Variants in SS18L2 observed in about 807,000 individuals in gnomAD.
SS18L2 encodes SS18 like 2.
Under a neutral mutation model 10.3 loss-of-function variants are expected in SS18L2, and 8 were observed. The ratio of observed to expected loss-of-function variants is 0.78; its 90% CI spans 0.46 to 1.41. The LOEUF is 1.41. Ranked by LOEUF, SS18L2 falls within the 40% of genes most tolerant of loss-of-function variation. The pLI, the probability that SS18L2 is intolerant of heterozygous loss-of-function variation, is 0.00. For synonymous variants in SS18L2, 41 were observed against 34.6 expected, an observed-to-expected ratio of 1.19 and a Z score of -0.65; for missense variants, 100 against 96.2, an observed-to-expected ratio of 1.04 and a Z score of -0.17.
intron 1 of SS18L2, among the ~76,000 whole-genome samples, chr3:42,585,258 A>G (rs1023905129): frequency 1.3e-5 from 2 of 152,214 alleles, no homozygotes; most frequent in Non-Finnish European, 2.9e-5. Flanking sequence ...TGGTTCAGGC[A>G]CCATGGTAGA....
chr3:42,590,836 C>T (rs1704797686), upstream of SS18L2: 1 of 1,552,358 alleles, frequency 6.4e-7, no homozygotes, highest in Non-Finnish European at 8.9e-7. Context: ...ACTTCGAGAG[C>T]GTAGGCCCCA....
At chr3:42,593,585 A>G (rs1390644934) in intron 2 of SS18L2, among the ~76,000 whole-genome samples, 1 of 152,128 alleles carries the variant, frequency 6.6e-6, no homozygotes, top group African/African-American at 2.4e-5. Flanking sequence ...CCAAGGGACA[A>G]TTGTACTCCT....
chr3:42,585,023 G>A (rs1014595339), intron 1 of SS18L2, among the ~76,000 whole-genome samples: 1 of 152,158 alleles, frequency 6.6e-6, no homozygotes, highest in Non-Finnish European at 1.5e-5. Context: ...CAGCTACTTG[G>A]GAGGCTGAGG....
At chr3:42,589,047 G>A (rs1289174496), upstream of SS18L2, among the ~76,000 whole-genome samples, 8 of 151,934 alleles carry the variant, frequency 5.3e-5, no homozygotes, top group African/African-American at 7.3e-5. Context: ...GGCGGATCAC[G>A]AGGTCAGGAG....
At position 42,595,911 on chromosome 3, in the gene SS18L2, C is replaced by CT. The variant is rs745337035; in HGVS notation, c.*1403dup. Among the ~76,000 whole-genome samples, 315 of 152,322 alleles carry CT rather than the reference C, an allele frequency of 2.1e-3. No individual in the cohort carries two copies. The highest frequency in any genetic ancestry group is 3.8e-3 in the Non-Finnish European group (257 of 68,032). On this transcript the variant is annotated 3_prime_UTR_variant, in exon 3 of 3. Transcript: ENST00000011691. The stretch of plus-strand genomic sequence containing the variant: ...GCATCTGCCTCCTGAGGTTGTGAGA[C>CT]TGAGATAACGTGGTTGAGAACTGGG...
intron 1 of SS18L2, among the ~76,000 whole-genome samples, chr3:42,584,554 C>A (rs928084076): frequency 6.6e-6 from 1 of 152,220 alleles, no homozygotes; most frequent in Non-Finnish European, 1.5e-5. Flanking sequence ...CCACGCCTAG[C>A]CGGGACATAG....
In SS18L2 at chr3:42,590,903, G is replaced by T; in HGVS notation, c.6G>T (p.Ser2=). The T allele has an allele frequency of 1.2e-6, 2 of 1,613,886 alleles. No homozygotes were observed. The highest frequency in any genetic ancestry group is 8.5e-7 in the Non-Finnish European group (1 of 1,179,952). Residue 2 remains serine (S), a synonymous_variant, in exon 1 of 3, where the codon TCG becomes TCT. Transcript: ENST00000011691. ...GGTTCCGGAGGTTCCTCGGGATGTC[G>T]GTGGCCTTCGTACCGGACTGGCTGA... The part of the protein sequence containing the change: M[S]VAFVPDWLRG...
At position 42,590,884 on chromosome 3, in the gene SS18L2, G is replaced by A; in HGVS notation, c.-14G>A. 2 of 1,613,936 alleles carry A rather than the reference G, an allele frequency of 1.2e-6. No individual in the cohort carries two copies. Among genetic ancestry groups the A allele is most frequent in the Non-Finnish European group, 1.7e-6 (2 of 1,179,894 alleles). On this transcript the variant is annotated 5_prime_UTR_variant, in exon 1 of 3. Transcript: ENST00000011691. Reference sequence around the variant, plus strand: ...CGAGTTGCTTGGCGGTCGTGGTTCCGGAGGTTCCTCGGGATGTCGGTGGCC... The same window carrying A: ...CGAGTTGCTTGGCGGTCGTGGTTCCAGAGGTTCCTCGGGATGTCGGTGGCC...
chr3:42,591,201 C>CTT (rs71616053), intron 1 of SS18L2: 4,069 of 484,554 alleles, frequency 8.4e-3, no homozygotes, highest in East Asian at 0.011. Flanking sequence ...CCTTTCTCTC[C>CTT]TTTTTTTTTT....
chr3:42,586,035 C>G (rs953351005), upstream of SS18L2, among the ~76,000 whole-genome samples: 1 of 152,128 alleles, frequency 6.6e-6, no homozygotes, highest in African/African-American at 2.4e-5. Context: ...AACTCCTCTC[C>G]TTCCAGCTAC....
At chr3:42,588,913 T>C (rs886752024), upstream of SS18L2, among the ~76,000 whole-genome samples, 1 of 151,874 alleles carries the variant, frequency 6.6e-6, no homozygotes, top group Non-Finnish European at 1.5e-5. Context: ...AAGCCCTGAG[T>C]CCGCCCCAGC....
At chr3:42,593,769 A>G (rs910713874) in intron 2 of SS18L2, among the ~76,000 whole-genome samples, 1 of 152,168 alleles carries the variant, frequency 6.6e-6, no homozygotes, top group Non-Finnish European at 1.5e-5. Context: ...GAGGAGTGCT[A>G]TTTTATACAT....
rs1705000239 is a variant in SS18L2 at position 42,595,458 on chromosome 3, G to C, written c.*949G>C. Reference sequence around the variant, plus strand: ...GCAGACTCATGTTCTAATATTTTTAGCAGGAATATATTAGAAGGTGATAAG... The same window carrying C: ...GCAGACTCATGTTCTAATATTTTTACCAGGAATATATTAGAAGGTGATAAG... On this transcript the variant is annotated 3_prime_UTR_variant, in exon 3 of 3. Transcript: ENST00000011691. 6.6e-6 allele frequency among the ~76,000 whole-genome samples: 1 copy of C among 152,104 alleles called. No individual in the cohort carries two copies. Among genetic ancestry groups the C allele is most frequent in the South Asian group, 2.1e-4 (1 of 4,832 alleles).
intron 1 of SS18L2, among the ~76,000 whole-genome samples, chr3:42,583,823 T>G (rs989293764): frequency 6.6e-6 from 1 of 152,186 alleles, no homozygotes; most frequent in African/African-American, 2.4e-5. Context: ...TCCCCTAATC[T>G]CCTAACTCTA....
upstream of SS18L2, chr3:42,590,725 G>C (rs68004576): frequency 1.4e-6 from 1 of 712,576 alleles, no homozygotes; most frequent in Non-Finnish European, 2.4e-6. Context: ...CCGGCGTTCT[G>C]GGGGCTGGGA....
At chr3:42,593,719 A>G (rs1037822617) in intron 2 of SS18L2, among the ~76,000 whole-genome samples, 2 of 152,236 alleles carry the variant, frequency 1.3e-5, no homozygotes, top group Admixed American at 6.5e-5. Flanking sequence ...GCACATAATA[A>G]TAAGTGCTTT....
intron 2 of SS18L2, 135 bp from the exon 3 acceptor site, chr3:42,594,287 C>G: frequency 3.1e-6 from 2 of 649,576 alleles, no homozygotes; most frequent in Non-Finnish European, 5.5e-6. Context: ...ATATGTTAAA[C>G]AAGAAGGTTG....
Position 42,584,152 on chromosome 3 carries a change from A to G in SS18L2, c.-90+2194A>G, listed in dbSNP as rs543408753. Among the ~76,000 whole-genome samples the G allele has an allele frequency of 9.8e-5, 15 of 152,342 alleles. No homozygotes were observed. In the East Asian group the frequency reaches 2.9e-3, roughly 29 times the overall value. On this transcript the variant is annotated intron_variant, in intron 1 of 3. Coordinates refer to the SS18L2 transcript ENST00000447630. ...AGATATAGATCTATATTGTAGATATATAGATATCACATTGGTTCTCTCTCT... is the reference window on the plus strand; with the variant it reads ...AGATATAGATCTATATTGTAGATATGTAGATATCACATTGGTTCTCTCTCT...
chr3:42,583,279 C>A (rs1209528334), intron 1 of SS18L2, among the ~76,000 whole-genome samples: 2 of 152,146 alleles, frequency 1.3e-5, no homozygotes, highest in African/African-American at 2.4e-5. Flanking sequence ...GAGAATGGAG[C>A]TGGAGTGTGG....
Sources: allele counts gnomAD v4.1 joint callset (sites outside exome capture counted in the v4.1 genomes callset), GRCh38; gene constraint gnomAD v4.1.1; transcripts MANE v1.5; gene names NCBI Gene and HGNC (gene_info 2026-07-23, HGNC 2026-07-21).